The following WDR72 variants were observed in gnomAD, a reference collection of about 807,000 sequenced individuals.
WDR72 encodes WD repeat-containing protein 72.
A neutral mutation model predicts 124.2 loss-of-function variants in WDR72; 120 were observed. That is an observed-to-expected ratio of 0.97 (90% CI 0.83 to 1.12). WDR72 has a LOEUF of 1.12. WDR72 is among the 50% of genes most tolerant of loss of function. The pLI, the probability that WDR72 is intolerant of heterozygous loss-of-function variation, is 0.00. For synonymous variants in WDR72, 452 were observed against 441.7 expected (o/e 1.02, Z -0.29); for missense variants, 1,387 against 1,278.8 (o/e 1.08, Z -1.29).
chr15:53,556,056 G>A (rs1291310854), intron 18 of WDR72, among the ~76,000 whole-genome samples: 1 of 152,056 alleles, frequency 6.6e-6, no homozygotes, highest in African/African-American at 2.4e-5. Context: ...GAAAATAAAT[G>A]TTTGGATGAC....
chr15:53,515,187 A>G lies in WDR72; in HGVS notation c.*2512T>C, dbSNP rs936802556. On this transcript the variant is annotated 3_prime_UTR_variant, in exon 20 of 20. Coordinates refer to ENST00000360509, the MANE Select transcript of WDR72 (RefSeq NM_182758.4). Reference sequence around the variant, plus strand: ...ATTTTTAAATAAATTTTTTATTACAATGACAGGAAGACTCCGGATACAAAC... The same window carrying G: ...ATTTTTAAATAAATTTTTTATTACAGTGACAGGAAGACTCCGGATACAAAC... 1.3e-5 allele frequency: 2 copies of G among 151,744 alleles called. No individual in the cohort carries two copies. The highest frequency in any genetic ancestry group is 2.4e-5 in the African/African-American group (1 of 41,340). 9.4% of individuals were successfully genotyped at this position (151,744 alleles called of 1,614,324 possible). A position where few individuals can be genotyped will look rare whatever the true frequency, so the allele number is the denominator to read the frequency against.
chr15:53,613,758 C>G lies in WDR72; in HGVS notation c.2781-1G>C. 1 of 1,591,092 alleles carries G rather than the reference C, an allele frequency of 6.3e-7. No individual in the cohort carries two copies. On this transcript the variant is annotated splice_acceptor_variant, in intron 15 of 19. Coordinates refer to ENST00000360509, the MANE Select transcript of WDR72 (RefSeq NM_182758.4). LOFTEE classifies it high-confidence loss of function. Reference sequence around the variant, plus strand: ...ATGTATACTTTCCATTCTGAAAGAACTGTTAGAAAAAAGATTGACAGCATA... The same window carrying G: ...ATGTATACTTTCCATTCTGAAAGAAGTGTTAGAAAAAAGATTGACAGCATA...
intron 17 of WDR72, among the ~76,000 whole-genome samples, chr15:53,605,828 C>T (rs2013258481): frequency 6.6e-6 from 1 of 151,936 alleles, no homozygotes; most frequent in Non-Finnish European, 1.5e-5. Flanking sequence ...GCACTCCAGC[C>T]TGGGTGACAG....
At chr15:53,650,459 A>G (rs2015193431) in intron 14 of WDR72, among the ~76,000 whole-genome samples, 1 of 152,218 alleles carries the variant, frequency 6.6e-6, no homozygotes, top group Non-Finnish European at 1.5e-5. Context: ...GTTGAAGTCC[A>G]GGTTCAAAGA....
chr15:53,609,843 T>TACACACAC lies in WDR72; in HGVS notation c.2873-259_2873-252dup, dbSNP rs72440914. On this transcript the variant is annotated intron_variant, in intron 16 of 19. Coordinates refer to ENST00000360509, the MANE Select transcript of WDR72 (RefSeq NM_182758.4). The stretch of plus-strand genomic sequence containing the variant: ...GTTCACATCCATTTGTGTACATTTA[T>TACACACAC]ACACACACACACACACACACACACA... Among the ~76,000 whole-genome samples the TACACACAC allele has an allele frequency of 9.7e-3, 1,457 of 150,108 alleles. 8 individuals are homozygous for TACACACAC. The highest frequency in any genetic ancestry group is 0.02 in the Middle Eastern group (6 of 294).
intron 6 of WDR72, among the ~76,000 whole-genome samples, chr15:53,713,153 TA>T (rs56361280): frequency 0.25 from 32,106 of 130,550 alleles, 3,650 homozygotes; most frequent in East Asian, 0.29. Context: ...CCTGAAAGTT[TA>T]AAAAAAAAAA....
At chr15:53,626,851 A>G (rs1190398953) in intron 14 of WDR72, among the ~76,000 whole-genome samples, 1 of 152,222 alleles carries the variant, frequency 6.6e-6, no homozygotes, top group Non-Finnish European at 1.5e-5. Context: ...AGCTAGTCCC[A>G]TCTCTCACTA....
intron 18 of WDR72, among the ~76,000 whole-genome samples, chr15:53,533,936 T>C (rs973227790): frequency 2.6e-5 from 4 of 152,162 alleles, no homozygotes; most frequent in African/African-American, 9.7e-5. Context: ...GCCTGTGTTA[T>C]ACTTATAATC....
Position 53,699,768 on chromosome 15 carries a change from T to C in WDR72, c.1747A>G (p.Ile583Val). 1 of 1,614,160 alleles carries C rather than the reference T, an allele frequency of 6.2e-7. No homozygotes were observed. The highest frequency in any genetic ancestry group is 8.5e-7 in the Non-Finnish European group (1 of 1,180,032). ...IVGCADDSVY[I>V]WEIETGTLER... is the part of the protein sequence containing the mutation. ...AACTTACCTGTTTCAATTTCCCAGA[T>C]ATAAACTGAGTCATCTGCACATCCA... The change falls in exon 13 of 20, where the codon ATC becomes GTC. Residue 583 changes from isoleucine (I) to valine (V), a missense_variant. Coordinates refer to ENST00000360509, the MANE Select transcript of WDR72 (RefSeq NM_182758.4).
chr15:53,756,231 T>G (rs775155608), intron 1 of WDR72, among the ~76,000 whole-genome samples: 5 of 152,132 alleles, frequency 3.3e-5, no homozygotes, highest in Admixed American at 6.5e-5. Context: ...TCTCGCGAGA[T>G]CTGATGGTTT....
chr15:53,591,668 A>G (rs2012503068), intron 18 of WDR72, among the ~76,000 whole-genome samples: 2 of 150,806 alleles, frequency 1.3e-5, no homozygotes, highest in South Asian at 2.1e-4. Context: ...GCACACATAT[A>G]TACATACAAC....
intron 2 of WDR72, among the ~76,000 whole-genome samples, chr15:53,732,653 A>C (rs1312679357): frequency 6.6e-6 from 1 of 152,182 alleles, no homozygotes; most frequent in East Asian, 1.9e-4. Flanking sequence ...CTTTGTTTAG[A>C]TTAATGAGCC....
chr15:53,632,385 A>G (rs1397500723), intron 14 of WDR72, among the ~76,000 whole-genome samples: 1 of 152,070 alleles, frequency 6.6e-6, no homozygotes, highest in Non-Finnish European at 1.5e-5. Context: ...CCTAGATCTC[A>G]GAGGCCATAT....
At chr15:53,541,279 T>A (rs376002288) in intron 18 of WDR72, among the ~76,000 whole-genome samples, 1 of 152,254 alleles carries the variant, frequency 6.6e-6, no homozygotes, top group African/African-American at 2.4e-5. Flanking sequence ...GTTCTCCCAG[T>A]ACGCAGCTGG....
chr15:53,558,908 CT>C (rs916859356), intron 18 of WDR72, among the ~76,000 whole-genome samples: 20 of 152,014 alleles, frequency 1.3e-4, no homozygotes, highest in African/African-American at 4.8e-4. Context: ...ACTTTTTAGC[CT>C]TTAAAAATGG....
At chr15:53,548,976 A>G (rs751030152) in intron 18 of WDR72, among the ~76,000 whole-genome samples, 16 of 152,244 alleles carry the variant, frequency 1.1e-4, no homozygotes, top group Non-Finnish European at 1.8e-4. Flanking sequence ...AATTTACAGA[A>G]GAAAGAGAAC....
At position 53,562,024 on chromosome 15, in the gene WDR72, T is replaced by C. The variant is rs374954125; in HGVS notation, c.3148+35055A>G. Among the ~76,000 whole-genome samples, 40 of 151,942 alleles carry C rather than the reference T, an allele frequency of 2.6e-4. 1 individual carries two copies. The South Asian group carries it at 7.9e-3, about 30-fold the overall frequency. On this transcript the variant is annotated intron_variant, in intron 18 of 19. Coordinates refer to ENST00000360509, the MANE Select transcript of WDR72 (RefSeq NM_182758.4). ...ATTAAGAACAAGAAACAAGATAACA[T>C]TAATACATTTTTATCTCATGCTAGT...
intron 18 of WDR72, 92 bp downstream of exon 18, chr15:53,596,987 C>A (rs775299407): frequency 8.8e-6 from 11 of 1,247,566 alleles, no homozygotes; most frequent in African/African-American, 1.5e-5. Flanking sequence ...ATGATATAAT[C>A]GAAAATCGTT....
At chr15:53,712,730 C>T (rs1223971293) in intron 7 of WDR72, 42 bp downstream of exon 7, 4 of 1,581,370 alleles carry the variant, frequency 2.5e-6, no homozygotes, top group East Asian at 2.2e-5. Flanking sequence ...AAAAAAATTA[C>T]ACTTGTACAT....
Sources: allele counts gnomAD v4.1 joint callset (sites outside exome capture counted in the v4.1 genomes callset), GRCh38; gene constraint gnomAD v4.1.1; transcripts MANE v1.5; gene names NCBI Gene and HGNC (gene_info 2026-07-23, HGNC 2026-07-21).